Variants in CDH26 observed in about 807,000 individuals in gnomAD.
CDH26 encodes the protein cadherin 26.
CDH26 carries 83 observed loss-of-function variants against 90.3 expected under a neutral mutation model. That is an observed-to-expected ratio of 0.92 (90% CI 0.77 to 1.10). The LOEUF is 1.10. CDH26 is among the 50% of genes least tolerant of loss of function. The pLI is 0.00. For missense variants in CDH26, 1,013 were observed against 1,037.6 expected (o/e 0.98, Z 0.33); for synonymous variants, 397 against 396.3 (o/e 1.00, Z -0.02).
intron 8 of CDH26, among the ~76,000 whole-genome samples, chr20:60,031,617 T>C (rs1414219855): frequency 6.6e-6 from 1 of 152,130 alleles, no homozygotes; most frequent in East Asian, 1.9e-4. Context: ...CCCAGAGCAG[T>C]TGATGTATTT....
chr20:59,970,144 G>T lies in CDH26; in HGVS notation c.189G>T (p.Leu63=), dbSNP rs765192392. 6.7e-5 allele frequency: 108 copies of T among 1,613,994 alleles called. No homozygotes were observed. Among genetic ancestry groups the T allele is most frequent in the Non-Finnish European group, 8.7e-5 (103 of 1,179,996 alleles). ...GATGGGTTATCACCACCTTGGAGCTGGAGGAGGAAGACCCGGGACCCTTTC... is the reference window on the plus strand; with the variant it reads ...GATGGGTTATCACCACCTTGGAGCTTGAGGAGGAAGACCCGGGACCCTTTC... ...KRRWVITTLE[L]EEEDPGPFPK... Residue 63 remains leucine, a synonymous_variant, in exon 3 of 18, where the codon CTG becomes CTT. Transcript: ENST00000348616.
At chr20:60,006,692 G>A (rs1003260669) in intron 16 of CDH26, 21 bp from the exon 17 acceptor site, 24 of 1,599,568 alleles carry the variant, frequency 1.5e-5, no homozygotes, top group Non-Finnish European at 2.0e-5. Context: ...GTGGTATGAA[G>A]CTCTACTGGT....
At chr20:59,970,414 A>G (rs2061243588) in intron 3 of CDH26, among the ~76,000 whole-genome samples, 1 of 151,866 alleles carries the variant, frequency 6.6e-6, no homozygotes. Flanking sequence ...TGAGTGTCTG[A>G]TGAGAATCTC....
intron 14 of CDH26, among the ~76,000 whole-genome samples, chr20:60,000,738 T>A (rs16983379): frequency 0.024 from 3,669 of 152,278 alleles, 134 homozygotes; most frequent in African/African-American, 0.084. Flanking sequence ...CCCTTCAGTG[T>A]CCTGCAAATA....
At chr20:59,970,585 C>T (rs1460918299) in intron 3 of CDH26, among the ~76,000 whole-genome samples, 3 of 150,886 alleles carry the variant, frequency 2.0e-5, no homozygotes, top group East Asian at 3.9e-4. Flanking sequence ...CCGAGGCGGG[C>T]GGATCAGGAG....
chr20:59,973,103 A>C (rs1165895021), intron 4 of CDH26, among the ~76,000 whole-genome samples: 3 of 152,216 alleles, frequency 2.0e-5, no homozygotes, highest in Non-Finnish European at 4.4e-5. Flanking sequence ...GAGTAGTCAT[A>C]AGGAGACCCT....
In CDH26 at chr20:60,001,327, A is replaced by C. The variant is rs1295085399; in HGVS notation, c.2098-16A>C. On this transcript the variant is annotated splice_polypyrimidine_tract_variant and intron_variant, in intron 14 of 17. Coordinates refer to ENST00000348616, the MANE Select transcript of CDH26 (RefSeq NM_177980.4). Reference sequence around the variant, plus strand: ...AAATCCATTCTCTTTTGAGTAAATCAGCATTTTCCCTCTAGGATCTCGAGG... The same window carrying C: ...AAATCCATTCTCTTTTGAGTAAATCCGCATTTTCCCTCTAGGATCTCGAGG... The C allele has an allele frequency of 6.2e-7, 1 of 1,613,866 alleles. No homozygotes were observed. The highest frequency in any genetic ancestry group is 1.1e-5 in the South Asian group (1 of 91,076).
exon 8 of CDH26, chr20:60,031,370 A>G: frequency 1.6e-6 from 2 of 1,271,890 alleles, no homozygotes; most frequent in South Asian, 2.6e-5. Context: ...AAACGGAAAC[A>G]CGGGGCTTTG....
At chr20:59,959,909 G>A (rs2061045615) in intron 1 of CDH26, among the ~76,000 whole-genome samples, 3 of 152,218 alleles carry the variant, frequency 2.0e-5, no homozygotes, top group Non-Finnish European at 4.4e-5. Flanking sequence ...GTGGACAGAG[G>A]TAATGTTGCA....
In CDH26 at chr20:60,013,901, A is replaced by G. The variant is rs903612183; in HGVS notation, c.*1171A>G. Reference sequence around the variant, plus strand: ...CTGAAAAAGAAGAAAAATCACATTTAAAGCACTGGAATGTCTGAATGGGAC... The same window carrying G: ...CTGAAAAAGAAGAAAAATCACATTTGAAGCACTGGAATGTCTGAATGGGAC... On this transcript the variant is annotated 3_prime_UTR_variant, in exon 18 of 18. Coordinates refer to ENST00000348616, the MANE Select transcript of CDH26 (RefSeq NM_177980.4). 3 of 152,228 alleles carry G rather than the reference A, an allele frequency of 2.0e-5. No homozygotes were observed. The highest frequency in any genetic ancestry group is 2.9e-5 in the Non-Finnish European group (2 of 68,038). The allele number at this position is 152,228 out of a possible 1,614,324, so 9.4% of individuals were successfully genotyped here.
Position 59,999,642 on chromosome 20 carries a change from AG to A in CDH26, c.2078del (p.Gly693AspfsTer41). ...PALLICTAAA[G>X]PTQGVKDLEE... ...CTCTGCTCATCTGCACAGCTGCAGC[AG>A]GACCCACGCAGGGAGTTAAGGTAAC... On this transcript the variant is annotated frameshift_variant, in exon 14 of 18. Coordinates refer to ENST00000348616, the MANE Select transcript of CDH26 (RefSeq NM_177980.4). LOFTEE classifies it high-confidence loss of function. 1 of 1,614,162 alleles carries A rather than the reference AG, an allele frequency of 6.2e-7. No individual in the cohort carries two copies. The highest frequency in any genetic ancestry group is 8.5e-7 in the Non-Finnish European group (1 of 1,180,004).
At chr20:60,004,063 C>T (rs933032977) in intron 16 of CDH26, among the ~76,000 whole-genome samples, 5 of 152,204 alleles carry the variant, frequency 3.3e-5, no homozygotes, top group African/African-American at 1.2e-4. Flanking sequence ...TGAGAGGCCC[C>T]TGGGGCTAAA....
chr20:60,008,406 AT>A (rs1350212569), intron 17 of CDH26, among the ~76,000 whole-genome samples: 1 of 152,148 alleles, frequency 6.6e-6, no homozygotes, highest in Non-Finnish European at 1.5e-5. Flanking sequence ...AAAGCAGTAG[AT>A]TTGGGGCTCA....
chr20:59,987,225 G>A (rs570095433), intron 7 of CDH26, among the ~76,000 whole-genome samples: 13 of 152,224 alleles, frequency 8.5e-5, no homozygotes, highest in African/African-American at 3.1e-4. Context: ...AGGTAGGAGG[G>A]GGCAGATATT....
intron 16 of CDH26, 61 bp from the exon 17 acceptor site, chr20:60,006,652 G>C: frequency 8.1e-7 from 1 of 1,230,324 alleles, no homozygotes; most frequent in South Asian, 1.2e-5. Context: ...CTGACACACA[G>C]GGGTTGGGGG....
At chr20:59,978,319 G>A (rs2061350407) in intron 4 of CDH26, among the ~76,000 whole-genome samples, 1 of 151,920 alleles carries the variant, frequency 6.6e-6, no homozygotes, top group Non-Finnish European at 1.5e-5. Flanking sequence ...CCCCCAAAGT[G>A]GCTGCACCAT....
intron 10 of CDH26, among the ~76,000 whole-genome samples, chr20:59,993,085 T>C (rs1020154896): frequency 1.3e-5 from 2 of 152,204 alleles, no homozygotes; most frequent in Non-Finnish European, 1.5e-5. Flanking sequence ...CTCCAAGTGA[T>C]ATATCACTAT....
At chr20:59,973,758 T>C (rs1420939258) in intron 4 of CDH26, among the ~76,000 whole-genome samples, 2 of 152,244 alleles carry the variant, frequency 1.3e-5, no homozygotes, top group African/African-American at 4.8e-5. Flanking sequence ...TATTCCATGG[T>C]GTACATGTAC....
chr20:59,965,575 A>G (rs2061138085), intron 1 of CDH26, among the ~76,000 whole-genome samples: 1 of 152,230 alleles, frequency 6.6e-6, no homozygotes, highest in Non-Finnish European at 1.5e-5. Context: ...GGCTTTAAAG[A>G]AAACAGCGGG....
Sources: gnomAD v4.1 joint callset for allele counts (sites outside exome capture counted in the v4.1 genomes callset) on GRCh38, gnomAD v4.1.1 for gene constraint, MANE v1.5 for transcripts, NCBI Gene and HGNC (gene_info 2026-07-23, HGNC 2026-07-21) for gene names.